The following UBR4 variants were observed in gnomAD, a reference collection of about 807,000 sequenced individuals.
The protein encoded by UBR4 is E3 ubiquitin-protein ligase UBR4.
UBR4 carries 124 observed loss-of-function variants against 575.6 expected under a neutral mutation model. That is an observed-to-expected ratio of 0.22 (90% CI 0.19 to 0.25). The LOEUF (loss-of-function observed/expected upper bound fraction) is 0.25, where lower values mean the gene tolerates loss of function less well. UBR4 is among the 10% of genes least tolerant of loss of function. UBR4 has a pLI of 1.00. For missense variants in UBR4, 4,818 were observed against 6,478.8 expected (o/e 0.74, Z 8.80); for synonymous variants, 2,455 against 2,473.7 (o/e 0.99, Z 0.22).
At chr1:19,075,345 T>A in intron 105 of UBR4, 1 of 208,520 alleles carries the variant, frequency 4.8e-6, no homozygotes, top group Non-Finnish European at 9.8e-6. Flanking sequence ...TCTGCCCACC[T>A]CCTCCTCCTC....
intron 5 of UBR4, among the ~76,000 whole-genome samples, chr1:19,198,255 C>T (rs1158303648): frequency 6.6e-6 from 1 of 152,050 alleles, no homozygotes; most frequent in African/African-American, 2.4e-5. Context: ...GTTCTATAAC[C>T]AAAATGGAGT....
chr1:19,117,539 T>C lies in UBR4; in HGVS notation c.10630-125A>G. On this transcript the variant is annotated intron_variant, in intron 72 of 105. Transcript: ENST00000375254. This position sits in a 1 kb window ranked among gnomAD's most constrained non-coding sequence, Gnocchi z 4.0. ...TTTCTATTTAATTTTTTAAAAAATA[T>C]TTTGTAGAGATGGGGTCTCACCATC... 1 of 1,174,862 alleles carries C rather than the reference T, an allele frequency of 8.5e-7. No individual in the cohort carries two copies. The highest frequency in any genetic ancestry group is 1.2e-6 in the Non-Finnish European group (1 of 850,944). 72.8% of individuals were successfully genotyped at this position (1,174,862 alleles called of 1,614,324 possible). A position where few individuals can be genotyped will look rare whatever the true frequency, so the allele number is the denominator to read the frequency against.
chr1:19,167,640 A>C (rs2088731273), intron 28 of UBR4, among the ~76,000 whole-genome samples: 1 of 152,344 alleles, frequency 6.6e-6, no homozygotes, highest in South Asian at 2.1e-4. Context: ...CCTATGTATA[A>C]GAAGACAATA....
At chr1:19,156,172 C>A (rs1225497787) in intron 42 of UBR4, 99 bp downstream of exon 42, 2 of 1,499,364 alleles carry the variant, frequency 1.3e-6, no homozygotes, top group Non-Finnish European at 1.8e-6. Context: ...TGGCACCCAG[C>A]TGATTTTTTT....
chr1:19,207,123 G>C (rs1465354813), intron 1 of UBR4, among the ~76,000 whole-genome samples: 1 of 152,142 alleles, frequency 6.6e-6, no homozygotes, highest in African/African-American at 2.4e-5. Context: ...AAACATGGCA[G>C]GTTTAACAAG....
chr1:19,141,952 A>G (rs558276554), intron 55 of UBR4, among the ~76,000 whole-genome samples, 175 bp from the exon 56 acceptor site: 1 of 152,320 alleles, frequency 6.6e-6, no homozygotes, highest in South Asian at 2.1e-4. Context: ...TCTTGGACCT[A>G]CAGCATCTGG....
In UBR4 at chr1:19,152,626, G is replaced by A; in HGVS notation, c.6833-150C>T. 9.5e-7 allele frequency: 1 copy of A among 1,057,000 alleles called. No homozygotes were observed. The allele number at this position is 1,057,000 out of a possible 1,614,324, so 65.5% of individuals were successfully genotyped here. A position where few individuals can be genotyped will look rare whatever the true frequency, so the allele number is the denominator to read the frequency against. On this transcript the variant is annotated intron_variant, in intron 46 of 105. Coordinates refer to ENST00000375254, the MANE Select transcript of UBR4 (RefSeq NM_020765.3). This position sits in a 1 kb window ranked among gnomAD's most constrained non-coding sequence, Gnocchi z 4.4. ...ATTTGCATCGGCATGATGCCTACATGTGGTTAGCTCTCCAATGGTTGTTAT... is the reference window on the plus strand; with the variant it reads ...ATTTGCATCGGCATGATGCCTACATATGGTTAGCTCTCCAATGGTTGTTAT...
intron 35 of UBR4, 55 bp downstream of exon 35, chr1:19,162,365 C>CAA (rs2087525994): frequency 6.4e-7 from 1 of 1,553,614 alleles, no homozygotes; most frequent in Non-Finnish European, 8.7e-7. Context: ...AGCTTGGTAC[C>CAA]ATGCCAGTTA....
At position 19,100,063 on chromosome 1, in the gene UBR4, G is replaced by T. The variant is rs1199636206; in HGVS notation, c.13221+313C>A. ...AAACGCCAATATTTAGGGGGCTCAG[G>T]TAACTCAGACTCACCGAGAAGTCTC... is the stretch of plus-strand genomic sequence containing the variant. On this transcript the variant is annotated intron_variant, in intron 89 of 105. Transcript: ENST00000375254. The surrounding 1 kb of genome is among the most constrained non-coding windows in gnomAD (Gnocchi z 4.2). 4.6e-6 allele frequency: 2 copies of T among 437,042 alleles called. No homozygotes were observed. The highest frequency in any genetic ancestry group is 3.7e-5 in the South Asian group (1 of 27,372). The allele number at this position is 437,042 out of a possible 1,614,324, so 27.1% of individuals were successfully genotyped here.
At chr1:19,099,551 T>C in intron 90 of UBR4, 46 bp downstream of exon 90, 1 of 1,561,528 alleles carries the variant, frequency 6.4e-7, no homozygotes, top group Non-Finnish European at 8.8e-7. Flanking sequence ...TCTGCATAAG[T>C]CAGAAAAGTG....
intron 64 of UBR4, 44 bp from the exon 65 acceptor site, chr1:19,124,734 T>G: frequency 6.3e-7 from 1 of 1,595,018 alleles, no homozygotes; most frequent in Non-Finnish European, 8.5e-7. Flanking sequence ...CTATCGATTT[T>G]CCATGACCAC....
At chr1:19,114,132 T>TC (rs926049991) in intron 75 of UBR4, 62 bp from the exon 76 acceptor site, 14 of 1,577,754 alleles carry the variant, frequency 8.9e-6, no homozygotes, top group African/African-American at 1.3e-5. Context: ...CCCTGAGTAA[T>TC]CCTCACTGCT....
Position 19,153,925 on chromosome 1 carries a change from C to G in UBR4, c.6473G>C (p.Ser2158Thr), listed in dbSNP as rs2086073938. The G allele has an allele frequency of 1.9e-6, 3 of 1,613,600 alleles. No homozygotes were observed. The highest frequency in any genetic ancestry group is 1.1e-5 in the South Asian group (1 of 90,994). Residue 2158 changes from serine to threonine, a missense_variant, in exon 45 of 106, where the codon AGT becomes ACT. Around this residue, in one of 29 missense-constraint regions of UBR4, gnomAD observed 461 missense variants for 606.9 expected, o/e 0.76. Coordinates refer to ENST00000375254, the MANE Select transcript of UBR4 (RefSeq NM_020765.3). The surrounding 1 kb of genome is among the most constrained non-coding windows in gnomAD (Gnocchi z 4.1). Reference protein sequence around the residue: ...PINIKSSNGGSKTSPALCQWS... With the variant: ...PINIKSSNGGTKTSPALCQWS... ...CTGGCAAAGAGCAGGAGAAGTCTTA[C>G]TGCCACCATTGGAACTGCAGACAAC... is the stretch of plus-strand genomic sequence containing the variant.
At chr1:19,081,869 A>T (rs1004168655) in intron 102 of UBR4, 11 of 634,066 alleles carry the variant, frequency 1.7e-5, no homozygotes, top group Middle Eastern at 2.5e-4. Context: ...AGCACCATAT[A>T]TCAGGGACGT....
chr1:19,164,151 T>G, intron 33 of UBR4, 102 bp downstream of exon 33: 2 of 1,362,622 alleles, frequency 1.5e-6, no homozygotes, highest in East Asian at 2.4e-5. Context: ...AATGAAAGGG[T>G]AGAGATTCAA....
At chr1:19,178,462 A>AGCG (rs2090524369) in intron 18 of UBR4, among the ~76,000 whole-genome samples, 1 of 152,208 alleles carries the variant, frequency 6.6e-6, no homozygotes, top group Non-Finnish European at 1.5e-5. Context: ...GGAAAAATAT[A>AGCG]GCGGGTCTTT....
chr1:19,109,763 C>T (rs1011531806), intron 81 of UBR4, among the ~76,000 whole-genome samples: 2 of 152,222 alleles, frequency 1.3e-5, no homozygotes, highest in African/African-American at 4.8e-5. Context: ...TTTCTATCAC[C>T]GCACAGCACT....
chr1:19,206,278 A>G (rs1262737292), intron 1 of UBR4, among the ~76,000 whole-genome samples: 2 of 152,082 alleles, frequency 1.3e-5, no homozygotes, highest in Non-Finnish European at 2.9e-5. Context: ...TTGAGGCTGT[A>G]GTCAGCTATA....
rs765163990 is a variant in UBR4, at chr1:19,155,471, A to G, written c.6270T>C (p.Asn2090=). The change falls in exon 43 of 106, where the codon AAT becomes AAC. Residue 2090 remains asparagine, a synonymous_variant. Transcript: ENST00000375254. ...SAQQGPFYVT[N]VLEINHEDLK... is the part of the protein sequence containing the mutation. ...GGTCCTCATGATTGATTTCCAACACATTAGTGACATAGAAGGGTCCCTGCT... is the reference window on the plus strand; with the variant it reads ...GGTCCTCATGATTGATTTCCAACACGTTAGTGACATAGAAGGGTCCCTGCT... 5 of 1,614,178 alleles carry G rather than the reference A, an allele frequency of 3.1e-6. No homozygotes were observed. The highest frequency in any genetic ancestry group is 4.2e-6 in the Non-Finnish European group (5 of 1,180,002).
Sources: allele counts gnomAD v4.1 joint callset (sites outside exome capture counted in the v4.1 genomes callset), GRCh38; gene constraint gnomAD v4.1.1; regional missense constraint gnomAD v4.1.1; non-coding constraint Gnocchi (gnomAD v3.1); transcripts MANE v1.5; gene names NCBI Gene and HGNC (gene_info 2026-07-23, HGNC 2026-07-21).